The following PCDH11Y variants were observed in gnomAD, a reference collection of about 807,000 sequenced individuals.
PCDH11Y encodes protocadherin-11 Y-linked.
For synonymous variants in PCDH11Y, 9 were observed against 83.6 expected, an observed-to-expected ratio of 0.11 and a Z score of 4.87; for missense variants, 12 against 224.8, an observed-to-expected ratio of 0.05 and a Z score of 6.05.
At chrY:5,009,683 A>T in intron 1 of PCDH11Y, among the ~76,000 whole-genome samples, 1 of 33,933 alleles carries the variant, frequency 2.9e-5, no homozygotes, top group Non-Finnish European at 7.3e-5. Context: ...CAGGAAAATT[A>T]TGCCAAAGCA....
intron 3 of PCDH11Y, among the ~76,000 whole-genome samples, chrY:5,570,142 G>A (rs2053438171): frequency 3.0e-5 from 1 of 33,043 alleles, no homozygotes; most frequent in Non-Finnish European, 7.5e-5. Flanking sequence ...TTTGCAGTGA[G>A]TTAATCTGTC....
chrY:5,287,842 T>C (rs2053062145), intron 2 of PCDH11Y, among the ~76,000 whole-genome samples: 1 of 29,484 alleles, frequency 3.4e-5, no homozygotes, highest in Non-Finnish European at 8.0e-5. Context: ...TGCAGCAAAC[T>C]ACCATGGCAC....
intron 4 of PCDH11Y, among the ~76,000 whole-genome samples, chrY:5,630,899 A>G: frequency 3.0e-5 from 1 of 32,814 alleles, no homozygotes; most frequent in Non-Finnish European, 7.5e-5. Context: ...TTGTGACCAG[A>G]CTTTCTTATA....
chrY:5,559,510 C>T, intron 3 of PCDH11Y, among the ~76,000 whole-genome samples: 1 of 32,681 alleles, frequency 3.1e-5, no homozygotes, highest in Non-Finnish European at 7.5e-5. Flanking sequence ...TGTGTCCCAA[C>T]CCAAATCTCA....
chrY:5,037,494 G>A, intron 3 of PCDH11Y: 2 of 105,923 alleles, frequency 1.9e-5, no homozygotes, highest in South Asian at 4.5e-5. Flanking sequence ...ACTTGAACCC[G>A]GGAGGCGGAG....
At chrY:5,156,623 A>G in intron 2 of PCDH11Y, among the ~76,000 whole-genome samples, 1 of 30,128 alleles carries the variant, frequency 3.3e-5, no homozygotes, top group Non-Finnish European at 7.9e-5. Context: ...AGGTGGGTCT[A>G]TTTTGAAAAT....
At position 5,623,678 on chromosome Y, in the gene PCDH11Y, T is replaced by C. The variant is rs2124702677; in HGVS notation, c.3352+41880T>C. 2.7e-4 allele frequency among the ~76,000 whole-genome samples: 9 copies of C among 33,809 alleles called. No homozygotes were observed. The South Asian group carries it at 5.8e-3, about 22-fold the overall frequency. The allele number at this position is 33,809 out of a possible 37,273, so 90.7% of individuals were successfully genotyped here. ...ATCATGTATATGTACCACATTTTCC[T>C]TATCCAGTCAACCATATATGTACCA... is the stretch of plus-strand genomic sequence containing the variant. On this transcript the variant is annotated intron_variant, in intron 4 of 4. Transcript: ENST00000400457.
intron 2 of PCDH11Y, among the ~76,000 whole-genome samples, chrY:5,202,556 C>A: frequency 3.0e-5 from 1 of 33,254 alleles, no homozygotes; most frequent in Admixed American, 2.8e-4. Context: ...GATCGTATAA[C>A]CCTCCTTTGT....
chrY:5,378,029 G>A (rs2053200158), intron 2 of PCDH11Y, among the ~76,000 whole-genome samples: 1 of 33,495 alleles, frequency 3.0e-5, no homozygotes, highest in Admixed American at 2.8e-4. Context: ...GTGAGCCACC[G>A]CACCTGGCCT....
At chrY:5,562,922 C>T in intron 3 of PCDH11Y, among the ~76,000 whole-genome samples, 1 of 32,586 alleles carries the variant, frequency 3.1e-5, no homozygotes, top group East Asian at 7.8e-4. Context: ...TTCTGATCAA[C>T]CTATTAATTC....
At chrY:5,404,641 G>C in intron 2 of PCDH11Y, among the ~76,000 whole-genome samples, 1 of 32,715 alleles carries the variant, frequency 3.1e-5, no homozygotes, top group African/African-American at 1.2e-4. Context: ...AACCAGAAAG[G>C]AGCAATTGAC....
intron 2 of PCDH11Y, among the ~76,000 whole-genome samples, chrY:5,488,302 T>G: frequency 9.0e-5 from 3 of 33,449 alleles, no homozygotes; most frequent in Non-Finnish European, 1.5e-4. Context: ...CTTTTCAGTA[T>G]CACTTTTTGC....
intron 2 of PCDH11Y, among the ~76,000 whole-genome samples, chrY:5,237,299 T>A: frequency 3.0e-5 from 1 of 33,254 alleles, no homozygotes; most frequent in African/African-American, 1.2e-4. Flanking sequence ...TCCAGAGATT[T>A]TGTGGGTTTG....
intron 2 of PCDH11Y, among the ~76,000 whole-genome samples, chrY:5,348,999 A>T: frequency 6.2e-5 from 2 of 32,099 alleles, no homozygotes; most frequent in African/African-American, 2.4e-4. Flanking sequence ...GTGGTGGTGC[A>T]TACCTGAAAT....
At chrY:5,711,051 G>A (rs2053586029) in intron 4 of PCDH11Y, among the ~76,000 whole-genome samples, 1 of 23,621 alleles carries the variant, frequency 4.2e-5, no homozygotes, top group Non-Finnish European at 9.6e-5. Context: ...GAATTGAGTC[G>A]CTATTGGAAC....
chrY:5,102,386 A>G, downstream of PCDH11Y, among the ~76,000 whole-genome samples: 2 of 32,058 alleles, frequency 6.2e-5, no homozygotes, highest in Non-Finnish European at 1.5e-4. Flanking sequence ...TTTGGGTATA[A>G]TAACATTTTT....
chrY:5,205,516 A>T, intron 2 of PCDH11Y, among the ~76,000 whole-genome samples: 1 of 25,804 alleles, frequency 3.9e-5, no homozygotes, highest in Non-Finnish European at 8.6e-5. Flanking sequence ...ATATATATAT[A>T]CACTGAATAT....
intron 2 of PCDH11Y, among the ~76,000 whole-genome samples, chrY:5,410,225 G>A: frequency 3.1e-5 from 1 of 32,271 alleles, no homozygotes; most frequent in Non-Finnish European, 7.5e-5. Context: ...CAAAAAATTA[G>A]CTGGGCATGG....
intron 2 of PCDH11Y, among the ~76,000 whole-genome samples, chrY:5,467,296 C>A: frequency 3.3e-5 from 1 of 30,723 alleles, no homozygotes; most frequent in East Asian, 8.3e-4. Context: ...CCTAAGGGTC[C>A]ATTTGAAAGG....
Sources: gnomAD v4.1 joint callset for allele counts (sites outside exome capture counted in the v4.1 genomes callset) on GRCh38, gnomAD v4.1.1 for gene constraint, MANE v1.5 for transcripts, NCBI Gene and HGNC (gene_info 2026-07-23, HGNC 2026-07-21) for gene names.